The following DAB1 variants were observed in gnomAD, a reference collection of about 807,000 sequenced individuals.
DAB1 encodes DAB adaptor protein 1.
DAB1 carries 15 observed loss-of-function variants against 64.6 expected under a neutral mutation model. That is an observed-to-expected ratio of 0.23 (90% CI 0.16 to 0.36). The LOEUF is 0.36. Ranked by LOEUF, DAB1 falls within the 10% of genes least tolerant of loss-of-function variation. The probability of loss-of-function intolerance (pLI) is 1.00; values close to 1 mark genes in which losing one functional copy is unlikely to be tolerated. For missense variants in DAB1, 596 were observed against 706.7 expected (o/e 0.84, Z 1.78); for synonymous variants, 235 against 251.9 (o/e 0.93, Z 0.64).
intron 2 of DAB1, among the ~76,000 whole-genome samples, chr1:57,282,721 G>T (rs1449599792): frequency 6.6e-6 from 1 of 151,996 alleles, no homozygotes; most frequent in African/African-American, 2.4e-5. Flanking sequence ...ATTACTCTCT[G>T]CCTCCAAACC....
chr1:57,393,831 G>C (rs1188208581), intron 1 of DAB1, among the ~76,000 whole-genome samples: 2 of 152,162 alleles, frequency 1.3e-5, no homozygotes, highest in Non-Finnish European at 2.9e-5. Context: ...AGTTGCAACA[G>C]AGACCATATA....
intron 1 of DAB1, among the ~76,000 whole-genome samples, chr1:57,873,223 C>T (rs571875889): frequency 5.7e-4 from 87 of 152,168 alleles, no homozygotes; most frequent in Non-Finnish European, 8.2e-4. Context: ...GAAAGACAAA[C>T]AAAGATATAT....
chr1:58,197,799 T>C (rs1025511367), intron 4 of DAB1, among the ~76,000 whole-genome samples: 2 of 151,978 alleles, frequency 1.3e-5, no homozygotes, highest in Non-Finnish European at 2.9e-5. Context: ...CTGTACCTAT[T>C]CCTTAATTTC....
intron 7 of DAB1, among the ~76,000 whole-genome samples, chr1:57,532,264 A>G (rs1644673059): frequency 1.3e-5 from 2 of 151,796 alleles, no homozygotes; most frequent in Non-Finnish European, 2.9e-5. Context: ...CAAAGTAAGT[A>G]TTACTCTGCT....
chr1:57,339,508 G>T (rs1677399440), intron 1 of DAB1, among the ~76,000 whole-genome samples: 2 of 152,218 alleles, frequency 1.3e-5, no homozygotes, highest in African/African-American at 4.8e-5. Context: ...TAACAAAGCA[G>T]TCTGTTACAT....
intron 2 of DAB1, among the ~76,000 whole-genome samples, chr1:58,515,337 T>C (rs1189592295): frequency 6.6e-6 from 1 of 152,166 alleles, no homozygotes; most frequent in Non-Finnish European, 1.5e-5. Flanking sequence ...GAAAGACATA[T>C]GTTGGTCATT....
At chr1:58,329,788 C>T (rs1392381706) in intron 4 of DAB1, among the ~76,000 whole-genome samples, 1 of 152,092 alleles carries the variant, frequency 6.6e-6, no homozygotes, top group Non-Finnish European at 1.5e-5. Context: ...TTTTGGGGCA[C>T]CGTGAATAGC....
intron 2 of DAB1, among the ~76,000 whole-genome samples, chr1:57,188,247 T>C (rs1031100191): frequency 9.9e-5 from 15 of 152,174 alleles, no homozygotes; most frequent in Admixed American, 7.2e-4. Context: ...AGTTGTCCCA[T>C]TGATAACTCA....
intron 6 of DAB1, among the ~76,000 whole-genome samples, chr1:57,708,814 G>T (rs955376871): frequency 1.3e-5 from 2 of 152,090 alleles, no homozygotes; most frequent in African/African-American, 4.8e-5. Flanking sequence ...GAGGGATGGT[G>T]CATGCAATGC....
intron 4 of DAB1, among the ~76,000 whole-genome samples, chr1:58,233,178 A>G (rs528423777): frequency 6.6e-6 from 1 of 152,234 alleles, no homozygotes; most frequent in South Asian, 2.1e-4. Flanking sequence ...TTTCTCCCCA[A>G]TCTCCTAATG....
At chr1:57,907,678 T>C (rs892527271) in intron 5 of DAB1, among the ~76,000 whole-genome samples, 3 of 152,062 alleles carry the variant, frequency 2.0e-5, no homozygotes, top group Non-Finnish European at 4.4e-5. Flanking sequence ...GCAGCATCAG[T>C]AGCAGTAGTC....
intron 7 of DAB1, among the ~76,000 whole-genome samples, chr1:57,557,774 A>T (rs1645007317): frequency 6.6e-6 from 1 of 152,170 alleles, no homozygotes; most frequent in Non-Finnish European, 1.5e-5. Flanking sequence ...CTCTATACAT[A>T]ATACCTTTGA....
chr1:57,431,155 A>AG (rs1349161399), intron 7 of DAB1, among the ~76,000 whole-genome samples: 1 of 151,594 alleles, frequency 6.6e-6, no homozygotes, highest in African/African-American at 2.4e-5. Context: ...AAAAAAAAAA[A>AG]AAGAAAAACA....
At chr1:57,254,046 T>C (rs1669573763) in intron 2 of DAB1, among the ~76,000 whole-genome samples, 1 of 152,228 alleles carries the variant, frequency 6.6e-6, no homozygotes, top group South Asian at 2.1e-4. Flanking sequence ...TAGAGAATCT[T>C]CCCCTTCTTT....
At chr1:58,215,134 A>G (rs777914050) in intron 4 of DAB1, among the ~76,000 whole-genome samples, 2 of 152,116 alleles carry the variant, frequency 1.3e-5, no homozygotes, top group Non-Finnish European at 2.9e-5. Flanking sequence ...CCCCTCTTCT[A>G]TCATCTTCTT....
chr1:58,056,136 C>A (rs759351720), intron 5 of DAB1: 2 of 1,321,284 alleles, frequency 1.5e-6, no homozygotes, highest in Non-Finnish European at 2.2e-6. Flanking sequence ...CAGCTCCTTA[C>A]ATGGGCTTTG....
intron 1 of DAB1, among the ~76,000 whole-genome samples, chr1:57,300,809 A>C (rs1673583235): frequency 6.6e-6 from 1 of 152,228 alleles, no homozygotes. Flanking sequence ...TTTAATATGC[A>C]GATTAACAGT....
chr1:57,777,789 A>T (rs2101838709), intron 6 of DAB1, among the ~76,000 whole-genome samples: 1 of 152,114 alleles, frequency 6.6e-6, no homozygotes, highest in South Asian at 2.1e-4. Flanking sequence ...TTCTGATTTT[A>T]GGTCATCTGT....
At chr1:58,447,295 A>T (rs1246434738) in intron 3 of DAB1, among the ~76,000 whole-genome samples, 1 of 152,326 alleles carries the variant, frequency 6.6e-6, no homozygotes, top group Non-Finnish European at 1.5e-5. Flanking sequence ...ATTTCAAAGT[A>T]CATTTAAAGT....
Sources: gnomAD v4.1 joint callset for allele counts (sites outside exome capture counted in the v4.1 genomes callset) on GRCh38, gnomAD v4.1.1 for gene constraint, MANE v1.5 for transcripts, NCBI Gene and HGNC (gene_info 2026-07-23, HGNC 2026-07-21) for gene names.